The following SMARCC1 variants were observed in gnomAD, a reference collection of about 807,000 sequenced individuals.
SMARCC1 encodes the protein SWI/SNF related BAF chromatin remodeling complex subunit C1, also known as SWI/SNF complex subunit SMARCC1.
In SMARCC1, 43 loss-of-function variants were observed where a neutral mutation model predicts 147.4. That is an observed-to-expected ratio of 0.29 (90% CI 0.23 to 0.38). SMARCC1 has a LOEUF of 0.38. SMARCC1 is among the 10% of genes least tolerant of loss of function. SMARCC1 has a pLI of 1.00. For synonymous variants in SMARCC1, 495 were observed against 484.4 expected, an observed-to-expected ratio of 1.02 and a Z score of -0.29; for missense variants, 1,119 against 1,381.1, an observed-to-expected ratio of 0.81 and a Z score of 3.01.
chr3:47,762,620 A>G (rs1156807623), intron 2 of SMARCC1, among the ~76,000 whole-genome samples: 1 of 152,236 alleles, frequency 6.6e-6, no homozygotes, highest in Non-Finnish European at 1.5e-5. Context: ...TTGAAAATAA[A>G]TTTAGAAAAT....
At chr3:47,707,555 G>C (rs1266455325) in intron 9 of SMARCC1, among the ~76,000 whole-genome samples, 1 of 151,694 alleles carries the variant, frequency 6.6e-6, no homozygotes, top group African/African-American at 2.4e-5. Flanking sequence ...AAGCATCAGA[G>C]GCATAAGTAA....
chr3:47,675,040 T>C (rs911748218), intron 18 of SMARCC1, among the ~76,000 whole-genome samples: 1 of 152,140 alleles, frequency 6.6e-6, no homozygotes, highest in African/African-American at 2.4e-5. Flanking sequence ...CAGCCTGAAC[T>C]CTATCTCACA....
At chr3:47,669,339 GAAC>G (rs1365853288) in intron 19 of SMARCC1, among the ~76,000 whole-genome samples, 2 of 152,132 alleles carry the variant, frequency 1.3e-5, no homozygotes, top group East Asian at 1.9e-4. Flanking sequence ...GCAGGAAAAA[GAAC>G]AACTGTTGCT....
chr3:47,660,444 TAAAAAAAAA>T (rs71070206), intron 21 of SMARCC1, among the ~76,000 whole-genome samples: 1 of 67,322 alleles, frequency 1.5e-5, no homozygotes. Flanking sequence ...AGACTCTGTC[TAAAAAAAAA>T]AAAAAAAAAA....
intron 1 of SMARCC1, among the ~76,000 whole-genome samples, chr3:47,776,198 T>C (rs1290700016): frequency 2.6e-5 from 4 of 151,898 alleles, no homozygotes; most frequent in Non-Finnish European, 5.9e-5. Context: ...ACTGACAAAA[T>C]ACATTGTACT....
chr3:47,626,398 A>T (rs1426227660), intron 24 of SMARCC1, among the ~76,000 whole-genome samples: 1 of 149,820 alleles, frequency 6.7e-6, no homozygotes, highest in East Asian at 2.0e-4. Flanking sequence ...TGTCTGACTC[A>T]GCCTCCCAAA....
chr3:47,729,198 T>C (rs1456207725), intron 5 of SMARCC1, 104 bp from the exon 6 acceptor site: 7 of 682,884 alleles, frequency 1.0e-5, no homozygotes, highest in South Asian at 4.4e-5. Context: ...TGGTTTTACT[T>C]ATAGACTTTA....
At position 47,587,898 on chromosome 3, in the gene SMARCC1, G is replaced by A; in HGVS notation, c.*311C>T. ...AGCAAAAATGGTAAAGACATAGCAT[G>A]CTAAAGTTGACAGGACCTGCAGAGA... On this transcript the variant is annotated 3_prime_UTR_variant, in exon 28 of 28. Coordinates refer to ENST00000254480, the MANE Select transcript of SMARCC1 (RefSeq NM_003074.4). 1 of 350,528 alleles carries A rather than the reference G, an allele frequency of 2.9e-6. No individual in the cohort carries two copies. 21.7% of individuals were successfully genotyped at this position (350,528 alleles called of 1,614,324 possible). A position where few individuals can be genotyped will look rare whatever the true frequency, so the allele number is the denominator to read the frequency against.
intron 10 of SMARCC1, among the ~76,000 whole-genome samples, chr3:47,704,822 T>A (rs1260318437): frequency 3.3e-5 from 5 of 151,412 alleles, no homozygotes; most frequent in Non-Finnish European, 7.4e-5. Context: ...GAGGCTGAGG[T>A]AGGAGAATCG....
At chr3:47,706,579 T>C (rs748816151) in intron 9 of SMARCC1, 49 bp from the exon 10 acceptor site, 21 of 1,480,320 alleles carry the variant, frequency 1.4e-5, no homozygotes, top group Non-Finnish European at 1.7e-5. Context: ...TGCTCCTCAG[T>C]TTCTACAAAT....
chr3:47,682,974 G>C (rs984709087), intron 14 of SMARCC1, among the ~76,000 whole-genome samples: 3 of 152,212 alleles, frequency 2.0e-5, no homozygotes, highest in African/African-American at 7.2e-5. Flanking sequence ...GATGTTCAAA[G>C]ATATGCACTT....
At chr3:47,645,647 G>A (rs901596037) in intron 21 of SMARCC1, among the ~76,000 whole-genome samples, 1 of 152,158 alleles carries the variant, frequency 6.6e-6, no homozygotes, top group Non-Finnish European at 1.5e-5. Flanking sequence ...TATGAATTAG[G>A]TCACCTTGAC....
At chr3:47,707,710 C>T (rs756778106) in intron 9 of SMARCC1, among the ~76,000 whole-genome samples, 10 of 151,930 alleles carry the variant, frequency 6.6e-5, no homozygotes, top group Non-Finnish European at 1.2e-4. Flanking sequence ...CTTGTCTCTA[C>T]AAAAACAAAC....
chr3:47,776,008 C>A (rs2034970370), intron 1 of SMARCC1, among the ~76,000 whole-genome samples: 1 of 151,878 alleles, frequency 6.6e-6, no homozygotes, highest in Non-Finnish European at 1.5e-5. Flanking sequence ...ATGAGCCAGG[C>A]ATGGTGGTGC....
At position 47,710,809 on chromosome 3, in the gene SMARCC1, C is replaced by T. The variant is rs1198999509; in HGVS notation, c.793-1G>A. 2 of 1,603,774 alleles carry T rather than the reference C, an allele frequency of 1.2e-6. No individual in the cohort carries two copies. The highest frequency in any genetic ancestry group is 8.5e-7 in the Non-Finnish European group (1 of 1,176,132). On this transcript the variant is annotated splice_acceptor_variant, in intron 8 of 27. Coordinates refer to ENST00000254480, the MANE Select transcript of SMARCC1 (RefSeq NM_003074.4). LOFTEE classifies it high-confidence loss of function. ...TGTCCAAAATCCATTTCACATGAAC[C>T]TAAAACCATATCAAAGCATCAATAT... is the stretch of plus-strand genomic sequence containing the variant.
chr3:47,645,700 G>A (rs564850523), intron 21 of SMARCC1, among the ~76,000 whole-genome samples: 50 of 152,272 alleles, frequency 3.3e-4, no homozygotes, highest in African/African-American at 4.8e-4. Flanking sequence ...TGGGAGAAAC[G>A]CAATATGATT....
intron 1 of SMARCC1, among the ~76,000 whole-genome samples, chr3:47,776,555 G>C (rs565119965): frequency 6.6e-6 from 1 of 151,778 alleles, no homozygotes; most frequent in East Asian, 2.0e-4. Flanking sequence ...AGCAAGCCAA[G>C]AGCGTGCCAC....
At chr3:47,661,586 C>G in intron 20 of SMARCC1, 131 bp from the exon 21 acceptor site, 1 of 586,012 alleles carries the variant, frequency 1.7e-6, no homozygotes, top group Non-Finnish European at 2.9e-6. Context: ...GCTCTCAGTC[C>G]CTCTATACCA....
intron 7 of SMARCC1, among the ~76,000 whole-genome samples, chr3:47,717,835 G>A (rs903602515): frequency 6.6e-6 from 1 of 151,936 alleles, no homozygotes; most frequent in Non-Finnish European, 1.5e-5. Flanking sequence ...CCAAAGTGCT[G>A]GGATTACAGG....
Sources: allele counts gnomAD v4.1 joint callset (sites outside exome capture counted in the v4.1 genomes callset), GRCh38; gene constraint gnomAD v4.1.1; transcripts MANE v1.5; gene names NCBI Gene and HGNC (gene_info 2026-07-23, HGNC 2026-07-21).